Variants in SLC22A12 observed in about 807,000 individuals in gnomAD.
SLC22A12 encodes the protein solute carrier family 22 member 12.
SLC22A12 carries 56 observed loss-of-function variants against 52.7 expected under a neutral mutation model. The ratio of observed to expected loss-of-function variants is 1.06; its 90% CI spans 0.86 to 1.33. The LOEUF is 1.33. Among genes scored for constraint, SLC22A12 ranks in the 40% most tolerant of loss-of-function variants. SLC22A12 has a pLI of 0.00. For synonymous variants in SLC22A12, 337 were observed against 324.6 expected, an observed-to-expected ratio of 1.04 and a Z score of -0.41; for missense variants, 683 against 741.5, an observed-to-expected ratio of 0.92 and a Z score of 0.92.
At chr11:64,600,289 A>G in intron 7 of SLC22A12, 78 bp from the exon 8 acceptor site, 1 of 1,145,376 alleles carries the variant, frequency 8.7e-7, no homozygotes, top group Non-Finnish European at 1.3e-6. Context: ...AGTCAGGGAC[A>G]AGCCCCCTGG....
At chr11:64,598,398 T>A (rs2039322241) in intron 4 of SLC22A12, 118 bp from the exon 5 acceptor site, 2 of 1,456,962 alleles carry the variant, frequency 1.4e-6, no homozygotes, top group Non-Finnish European at 1.9e-6. Context: ...TTCGGGGTCC[T>A]CAGCCGCCCT....
rs150779326 is a variant in SLC22A12 at position 64,599,876 on chromosome 11, C to G, written c.1271C>G (p.Thr424Arg). Residue 424 changes from threonine (T) to arginine (R), a missense_variant, in exon 7 of 10, where the codon ACG becomes AGG. Transcript: ENST00000377574. ...GCAGGGCTCTGCATTCTGGCCAACA[C>G]GCTGGTGCCCCACGGTGAGGGGGCA... ...LLAGLCILAN[T>R]LVPHEMGALR... 10 of 1,612,376 alleles carry G rather than the reference C, an allele frequency of 6.2e-6. No homozygotes were observed. The highest frequency in any genetic ancestry group is 1.1e-5 in the South Asian group (1 of 91,042).
intron 4 of SLC22A12, 82 bp downstream of exon 4, chr11:64,593,885 T>C: frequency 6.5e-7 from 1 of 1,536,424 alleles, no homozygotes; most frequent in Non-Finnish European, 8.8e-7. Flanking sequence ...CTCCTTTCCC[T>C]GGGGGCTGGG....
chr11:64,592,211 G>A (rs1311101619), intron 1 of SLC22A12, among the ~76,000 whole-genome samples: 1 of 152,158 alleles, frequency 6.6e-6, no homozygotes, highest in African/African-American at 2.4e-5. Context: ...GCTGGCACCT[G>A]GACACTCACC....
At chr11:64,596,741 A>G (rs567077228) in intron 4 of SLC22A12, among the ~76,000 whole-genome samples, 2 of 152,324 alleles carry the variant, frequency 1.3e-5, no homozygotes, top group Admixed American at 1.3e-4. Flanking sequence ...GTGTCCGACA[A>G]GAGCCTTCTG....
rs759477488 is a variant in SLC22A12 at position 64,601,522 on chromosome 11, A to G, written c.1633A>G (p.Asn545Asp). ...GAAGGCAACACATGGCACGCTGGGG[A>G]ACTCTGTCCTAAAATCCACACAGTT... ...VKKATHGTLG[N>D]SVLKSTQF is the part of the protein sequence containing the mutation. Residue 545 changes from asparagine to aspartate, a missense_variant, in exon 10 of 10, where the codon AAC becomes GAC. Coordinates refer to ENST00000377574, the MANE Select transcript of SLC22A12 (RefSeq NM_144585.4). 6.2e-7 allele frequency: 1 copy of G among 1,613,948 alleles called. No individual in the cohort carries two copies. Among genetic ancestry groups the G allele is most frequent in the South Asian group, 1.1e-5 (1 of 91,074 alleles).
rs750985879 is a variant in SLC22A12 at position 64,598,807 on chromosome 11, G to A, written c.955-1G>A. The A allele has an allele frequency of 6.2e-7, 1 of 1,612,542 alleles. No homozygotes were observed. The highest frequency in any genetic ancestry group is 1.1e-5 in the South Asian group (1 of 91,086). Reference sequence around the variant, plus strand: ...AACAGCACCCACCCCCGCCTCCACAGGTCTTGCTTTCAGCCATGCGGGAGG... The same window carrying A: ...AACAGCACCCACCCCCGCCTCCACAAGTCTTGCTTTCAGCCATGCGGGAGG... On this transcript the variant is annotated splice_acceptor_variant, in intron 5 of 9. Transcript: ENST00000377574. LOFTEE classifies it high-confidence loss of function.
chr11:64,598,224 A>G (rs1282620243), intron 4 of SLC22A12, among the ~76,000 whole-genome samples: 1 of 151,966 alleles, frequency 6.6e-6, no homozygotes, highest in Non-Finnish European at 1.5e-5. Context: ...GTCTGGAGGG[A>G]GGCAGGAAGG....
In SLC22A12 at chr11:64,591,530, C is replaced by T. The variant is rs745620233; in HGVS notation, c.-27C>T. 2 of 1,608,312 alleles carry T rather than the reference C, an allele frequency of 1.2e-6. No homozygotes were observed. Among genetic ancestry groups the T allele is most frequent in the East Asian group, 2.2e-5 (1 of 44,884 alleles). On this transcript the variant is annotated 5_prime_UTR_variant, in exon 1 of 10. Coordinates refer to ENST00000377574, the MANE Select transcript of SLC22A12 (RefSeq NM_144585.4). ...GGGCCAGCCTTTGTGAAGTGGGCCCCTCTTCTGGGCCCCTTGAGTAGGTTC... is the reference window on the plus strand; with the variant it reads ...GGGCCAGCCTTTGTGAAGTGGGCCCTTCTTCTGGGCCCCTTGAGTAGGTTC...
intron 4 of SLC22A12, among the ~76,000 whole-genome samples, chr11:64,597,220 CA>C (rs2039275083): frequency 6.6e-6 from 1 of 152,134 alleles, no homozygotes; most frequent in South Asian, 2.1e-4. Context: ...ATGATCTGGC[CA>C]CCATCACTTG....
chr11:64,600,635 C>T lies in SLC22A12; in HGVS notation c.1395-100C>T, dbSNP rs1476986404. On this transcript the variant is annotated intron_variant, in intron 8 of 9. Coordinates refer to ENST00000377574, the MANE Select transcript of SLC22A12 (RefSeq NM_144585.4). ...CAGGTGCATCCCAAGCCCAGCCTGACCCCCTGGGTCTCCCTGGGCCAAGCG... is the reference window on the plus strand; with the variant it reads ...CAGGTGCATCCCAAGCCCAGCCTGATCCCCTGGGTCTCCCTGGGCCAAGCG... 5.8e-6 allele frequency: 9 copies of T among 1,550,618 alleles called. No individual in the cohort carries two copies. The South Asian group carries it at 9.0e-5, about 15-fold the overall frequency.
intron 6 of SLC22A12, among the ~76,000 whole-genome samples, chr11:64,599,254 A>G (rs955908480): frequency 6.6e-6 from 1 of 152,086 alleles, no homozygotes; most frequent in Admixed American, 6.5e-5. Flanking sequence ...GGGGCCAGGG[A>G]GGGCGGAGAG....
chr11:64,599,754 G>A lies in SLC22A12; in HGVS notation c.1149G>A (p.Met383Ile). 1.9e-6 allele frequency: 3 copies of A among 1,612,640 alleles called. No individual in the cohort carries two copies. Among genetic ancestry groups the A allele is most frequent in the Non-Finnish European group, 2.5e-6 (3 of 1,179,822 alleles). Residue 383 changes from methionine to isoleucine, a missense_variant, in exon 7 of 10, where the codon ATG (methionine) becomes ATA (isoleucine). Coordinates refer to ENST00000377574, the MANE Select transcript of SLC22A12 (RefSeq NM_144585.4). ...GCAGCAACATCTTCCTGCTCCAAAT[G>A]TTCATTGGTGTCGTGGACATCCCAG... The part of the protein sequence containing the change: ...ALGSNIFLLQ[M>I]FIGVVDIPAK...
intron 6 of SLC22A12, 106 bp from the exon 7 acceptor site, chr11:64,599,570 A>C: frequency 3.9e-6 from 3 of 778,372 alleles, no homozygotes; most frequent in Non-Finnish European, 2.0e-6. Context: ...CTGAGCTAAG[A>C]GCAGCACACC....
At chr11:64,591,989 C>T (rs769733067) in intron 1 of SLC22A12, 31 bp downstream of exon 1, 71 of 1,604,428 alleles carry the variant, frequency 4.4e-5, no homozygotes, top group Non-Finnish European at 5.8e-5. Flanking sequence ...ACTCGAGTCC[C>T]ACCACCTTGG....
At chr11:64,601,137 T>C (rs1327161100) in intron 9 of SLC22A12, among the ~76,000 whole-genome samples, 199 bp downstream of exon 9, 1 of 152,186 alleles carries the variant, frequency 6.6e-6, no homozygotes, top group African/African-American at 2.4e-5. Context: ...TGCTTTGACC[T>C]AGGGCTTTGT....
chr11:64,593,888 G>C, intron 4 of SLC22A12, 85 bp downstream of exon 4: 1 of 1,537,364 alleles, frequency 6.5e-7, no homozygotes, highest in Non-Finnish European at 8.7e-7. Flanking sequence ...CTTTCCCTGG[G>C]GGCTGGGGAG....
Position 64,593,896 on chromosome 11 carries a change from G to A in SLC22A12, c.830+93G>A, listed in dbSNP as rs143329948. ...GACTCTCCTTTCCCTGGGGGCTGGG[G>A]AGTGCTAGAGGCCAGGGGTGCATGG... On this transcript the variant is annotated intron_variant, in intron 4 of 9. Transcript: ENST00000377574. 1,665 of 1,520,840 alleles carry A rather than the reference G, an allele frequency of 1.1e-3. 17 individuals are homozygous for A. The African/African-American group carries it at 0.02, about 18-fold the overall frequency. 94.2% of individuals were successfully genotyped at this position (1,520,840 alleles called of 1,614,324 possible).
chr11:64,599,600 G>GCCCC, intron 6 of SLC22A12, 76 bp from the exon 7 acceptor site: 1 of 141,252 alleles, frequency 7.1e-6, no homozygotes. Flanking sequence ...AGCCCCCACC[G>GCCCC]CCCATTGTTC....
Sources: allele counts gnomAD v4.1 joint callset (sites outside exome capture counted in the v4.1 genomes callset), GRCh38; gene constraint gnomAD v4.1.1; transcripts MANE v1.5; gene names NCBI Gene and HGNC (gene_info 2026-07-23, HGNC 2026-07-21).